RGS7: variants seen among roughly 807,000 people sequenced by gnomAD.
RGS7 encodes the protein regulator of G-protein signaling 7.
A neutral mutation model predicts 81.1 loss-of-function variants in RGS7; 27 were observed. That is an observed-to-expected ratio of 0.33 (90% confidence interval 0.25 to 0.46). RGS7 has a LOEUF of 0.46. Ranked by LOEUF, RGS7 falls within the 20% of genes least tolerant of loss-of-function variation. The pLI, the probability that RGS7 is intolerant of heterozygous loss-of-function variation, is 1.00. For missense variants in RGS7, 396 were observed against 607.4 expected (o/e 0.65, Z 3.66); for synonymous variants, 208 against 207.7 (o/e 1.00, Z -0.01).
intron 6 of RGS7, among the ~76,000 whole-genome samples, chr1:240,928,974 A>G (rs905287828): frequency 6.6e-6 from 1 of 152,244 alleles, no homozygotes; most frequent in African/African-American, 2.4e-5. Context: ...GATGACAAGC[A>G]CAAAACACTA....
chr1:241,327,138 GAAAGA>G lies in RGS7; in HGVS notation c.78+28556_78+28560del, dbSNP rs1558321770. 8.7e-4 allele frequency among the ~76,000 whole-genome samples: 91 copies of G among 104,702 alleles called. 10 individuals carry two copies. Among genetic ancestry groups the G allele is most frequent in the Middle Eastern group, 4.7e-3 (1 of 212 alleles). 68.7% of individuals were successfully genotyped at this position (104,702 alleles called of 152,430 possible). A position where few individuals can be genotyped will look rare whatever the true frequency, so the allele number is the denominator to read the frequency against. On this transcript the variant is annotated intron_variant, in intron 2 of 18. Coordinates refer to ENST00000440928, the MANE Select transcript of RGS7 (RefSeq NM_001364886.1). ...AGAAAGAAAGAAAGAAAGAAAGAAAGAAAGAAAGGAAAGAAAGAAAGAAAGAAACA... is the reference window on the plus strand; with the variant it reads ...AGAAAGAAAGAAAGAAAGAAAGAAAGAAGGAAAGAAAGAAAGAAAGAAACA...
At chr1:240,835,265 T>A (rs1694534878) in intron 9 of RGS7, among the ~76,000 whole-genome samples, 1 of 152,086 alleles carries the variant, frequency 6.6e-6, no homozygotes, top group South Asian at 2.1e-4. Flanking sequence ...CACAACCCAA[T>A]TAACATATGG....
At chr1:241,054,713 TC>T (rs2061401428) in intron 3 of RGS7, among the ~76,000 whole-genome samples, 1 of 152,206 alleles carries the variant, frequency 6.6e-6, no homozygotes, top group Non-Finnish European at 1.5e-5. Context: ...TTGGACCAAA[TC>T]CCAAGAATCA....
intron 4 of RGS7, among the ~76,000 whole-genome samples, chr1:240,950,572 C>A (rs181142693): frequency 3.3e-5 from 5 of 152,280 alleles, no homozygotes; most frequent in African/African-American, 1.2e-4. Flanking sequence ...AGAACACTTG[C>A]AAAGGTCACA....
chr1:241,262,589 G>A (rs774334782), intron 2 of RGS7, among the ~76,000 whole-genome samples: 5 of 152,174 alleles, frequency 3.3e-5, no homozygotes, highest in Admixed American at 6.5e-5. Context: ...CAATAGTTCA[G>A]AATTGTGGCC....
At chr1:240,957,252 G>A (rs1680594289) in intron 4 of RGS7, among the ~76,000 whole-genome samples, 1 of 152,110 alleles carries the variant, frequency 6.6e-6, no homozygotes, top group Admixed American at 6.5e-5. Context: ...TCCTGCCCTC[G>A]AACCTCAGAC....
At chr1:241,044,638 C>G (rs1354717136) in intron 3 of RGS7, among the ~76,000 whole-genome samples, 2 of 151,864 alleles carry the variant, frequency 1.3e-5, no homozygotes, top group Non-Finnish European at 2.9e-5. Context: ...CGCTATATTG[C>G]TAAGGTTGAT....
intron 2 of RGS7, among the ~76,000 whole-genome samples, chr1:241,297,195 C>A (rs752265015): frequency 6.6e-6 from 1 of 152,118 alleles, no homozygotes; most frequent in Non-Finnish European, 1.5e-5. Context: ...AAATCAGGGT[C>A]TGGCCCATAG....
At chr1:240,920,067 T>C in intron 6 of RGS7, 1 of 972,066 alleles carries the variant, frequency 1.0e-6, no homozygotes, top group Non-Finnish European at 1.6e-6. Flanking sequence ...CATGACTGAT[T>C]GAGGCAATGG....
chr1:241,243,494 A>G (rs2076362189), intron 2 of RGS7, among the ~76,000 whole-genome samples: 1 of 152,170 alleles, frequency 6.6e-6, no homozygotes, highest in East Asian at 1.9e-4. Flanking sequence ...AGAGAAATGG[A>G]TGAATTTGGG....
At chr1:240,994,780 T>G (rs564631335) in intron 3 of RGS7, among the ~76,000 whole-genome samples, 1 of 152,128 alleles carries the variant, frequency 6.6e-6, no homozygotes, top group African/African-American at 2.4e-5. Context: ...AAAGTAAACT[T>G]ATTATTATTA....
chr1:240,903,018 T>TAC (rs1026090793), intron 6 of RGS7, among the ~76,000 whole-genome samples: 7 of 152,222 alleles, frequency 4.6e-5, no homozygotes, highest in Admixed American at 6.5e-5. Flanking sequence ...GAATAAAAAT[T>TAC]ACTTTTATAA....
chr1:241,027,347 A>G (rs1294805580), intron 3 of RGS7, among the ~76,000 whole-genome samples: 2 of 152,214 alleles, frequency 1.3e-5, no homozygotes, highest in East Asian at 3.9e-4. Flanking sequence ...TCCTATAATA[A>G]GAAAGATTCA....
chr1:240,882,152 T>A (rs1666516353), intron 6 of RGS7, among the ~76,000 whole-genome samples: 2 of 152,124 alleles, frequency 1.3e-5, no homozygotes, highest in Admixed American at 1.3e-4. Flanking sequence ...TGAGCACAAG[T>A]GATCCACCCG....
At chr1:240,779,099 TTGTGTGTGTGTGTGTG>T (rs71172643) in intron 18 of RGS7, among the ~76,000 whole-genome samples, 11 of 144,194 alleles carry the variant, frequency 7.6e-5, no homozygotes, top group Non-Finnish European at 4.5e-5. Flanking sequence ...TTAGTGTTCT[TTGTGTGTGTGTGTGTG>T]TGTGTGTGTG....
At position 241,329,406 on chromosome 1, in the gene RGS7, T is replaced by C. The variant is rs189610187; in HGVS notation, c.78+26293A>G. 2.2e-4 allele frequency among the ~76,000 whole-genome samples: 34 copies of C among 152,160 alleles called. No homozygotes were observed. In the East Asian group the frequency reaches 6.2e-3, roughly 28 times the overall value. On this transcript the variant is annotated intron_variant, in intron 2 of 18. Transcript: ENST00000440928. Reference sequence around the variant, plus strand: ...AATAGTCAGTTGGTTGCTTACGGAGTTTAAAATTTCCAAATGCTTTAGAGC... The same window carrying C: ...AATAGTCAGTTGGTTGCTTACGGAGCTTAAAATTTCCAAATGCTTTAGAGC...
At chr1:241,135,053 T>C (rs1026499622) in intron 2 of RGS7, among the ~76,000 whole-genome samples, 3 of 152,110 alleles carry the variant, frequency 2.0e-5, no homozygotes, top group African/African-American at 7.2e-5. Context: ...TACAGAGGAC[T>C]ATAAAACCCC....
intron 9 of RGS7, among the ~76,000 whole-genome samples, chr1:240,865,650 T>C (rs1237840904): frequency 6.6e-6 from 1 of 152,334 alleles, no homozygotes; most frequent in Non-Finnish European, 1.5e-5. Context: ...AACTCTGGGA[T>C]ATAGGATTTA....
At chr1:241,112,612 T>G (rs1315851932) in intron 2 of RGS7, among the ~76,000 whole-genome samples, 1 of 152,244 alleles carries the variant, frequency 6.6e-6, no homozygotes, top group Non-Finnish European at 1.5e-5. Flanking sequence ...AGTTTTAAAG[T>G]GGTTTCTGCA....
Sources: gnomAD v4.1 joint callset for allele counts (sites outside exome capture counted in the v4.1 genomes callset) on GRCh38, gnomAD v4.1.1 for gene constraint, MANE v1.5 for transcripts, NCBI Gene and HGNC (gene_info 2026-07-23, HGNC 2026-07-21) for gene names.